Variants in ESRRG observed in about 807,000 individuals in gnomAD.
ESRRG encodes the protein estrogen-related receptor gamma.
Under a neutral mutation model 44.0 loss-of-function variants are expected in ESRRG, and 13 were observed. That is an observed-to-expected ratio of 0.30 (90% CI 0.19 to 0.47). The LOEUF (loss-of-function observed/expected upper bound fraction) is 0.47. Ranked by LOEUF, ESRRG falls within the 20% of genes least tolerant of loss-of-function variation. The pLI, the probability that ESRRG is intolerant of heterozygous loss-of-function variation, is 1.00. For synonymous variants in ESRRG, 215 were observed against 214.6 expected, an observed-to-expected ratio of 1.00 and a Z score of -0.02; for missense variants, 395 against 580.6, an observed-to-expected ratio of 0.68 and a Z score of 3.29.
intron 2 of ESRRG, among the ~76,000 whole-genome samples, chr1:216,904,453 G>T (rs904181066): frequency 2.6e-5 from 4 of 152,154 alleles, no homozygotes; most frequent in Non-Finnish European, 4.4e-5. Flanking sequence ...ATTAAACAAA[G>T]TCATTGAAAA....
Position 216,582,877 on chromosome 1 carries a change from G to A in ESRRG, c.590-14779C>T, listed in dbSNP as rs567978386. Among the ~76,000 whole-genome samples, 21 of 152,278 alleles carry A rather than the reference G, an allele frequency of 1.4e-4. No homozygotes were observed. The South Asian group carries it at 4.4e-3, about 32-fold the overall frequency. On this transcript the variant is annotated intron_variant, in intron 3 of 6. Transcript: ENST00000408911. ...TTTGGAACAGTCTAGGAGGAATTCGGTTTTAATAGTGCTTTCTTAGGGTTT... is the reference window on the plus strand; with the variant it reads ...TTTGGAACAGTCTAGGAGGAATTCGATTTTAATAGTGCTTTCTTAGGGTTT...
chr1:216,531,125 A>G (rs2049243112), intron 5 of ESRRG, among the ~76,000 whole-genome samples: 2 of 152,224 alleles, frequency 1.3e-5, no homozygotes, highest in Non-Finnish European at 2.9e-5. Flanking sequence ...TATTCATGAA[A>G]GAACGTAGAA....
chr1:217,025,606 G>T (rs1195828305), intron 1 of ESRRG, among the ~76,000 whole-genome samples: 2 of 152,154 alleles, frequency 1.3e-5, no homozygotes, highest in Admixed American at 1.3e-4. Flanking sequence ...ACCTGCCAAA[G>T]CTGTTTGCCA....
intron 5 of ESRRG, among the ~76,000 whole-genome samples, chr1:216,545,230 GT>G (rs5780892): frequency 0.019 from 2,630 of 139,500 alleles, 48 homozygotes; most frequent in African/African-American, 0.057. Flanking sequence ...TAATTTTTAT[GT>G]TTTTTTTTTT....
intron 2 of ESRRG, among the ~76,000 whole-genome samples, chr1:216,887,632 A>C (rs1226791815): frequency 4.6e-5 from 7 of 152,200 alleles, no homozygotes; most frequent in Admixed American, 1.3e-4. Flanking sequence ...TCTGTTTGTT[A>C]ATGTAACTGA....
At chr1:216,863,745 A>G (rs2096094635) in intron 2 of ESRRG, 1 of 152,180 alleles carries the variant, frequency 6.6e-6, no homozygotes, top group South Asian at 2.1e-4. Flanking sequence ...TTTTTGTCCT[A>G]CCTGCTCACT....
intron 2 of ESRRG, among the ~76,000 whole-genome samples, chr1:216,920,495 G>T (rs1300684090): frequency 3.3e-5 from 5 of 151,760 alleles, no homozygotes; most frequent in Non-Finnish European, 7.4e-5. Flanking sequence ...TTCATTATAA[G>T]AATTAGATGA....
rs761091969 is a variant in ESRRG, at chr1:216,507,136, C to T, written c.1180G>A (p.Val394Ile). Residue 394 changes from valine to isoleucine, a missense_variant, in exon 7 of 7, where the codon GTC becomes ATC. Val to Ile is a conservative substitution (Grantham distance 29, BLOSUM62 3). Transcript: ENST00000408911. ...DVEAVQKLQD[V>I]LHEALQDYEA... ...TAATCCTGCAGCGCTTCATGTAAGA[C>T]ATCCTGAAGCTTCTGAACGGCTTCA... is the stretch of plus-strand genomic sequence containing the variant. The T allele has an allele frequency of 1.5e-5, 25 of 1,613,204 alleles. No homozygotes were observed. The highest frequency in any genetic ancestry group is 2.0e-5 in the Non-Finnish European group (24 of 1,179,582).
intron 2 of ESRRG, among the ~76,000 whole-genome samples, chr1:216,834,436 C>T (rs953834189): frequency 1.3e-5 from 2 of 151,930 alleles, no homozygotes; most frequent in African/African-American, 4.8e-5. Flanking sequence ...AATAAAAAAT[C>T]AACATAACTC....
chr1:216,541,455 T>A (rs1205825559), intron 5 of ESRRG, among the ~76,000 whole-genome samples: 1 of 152,028 alleles, frequency 6.6e-6, no homozygotes, highest in African/African-American at 2.4e-5. Context: ...TCATTTCCTG[T>A]ATGTTGTTAC....
chr1:216,818,715 A>T (rs1194769572), intron 2 of ESRRG, among the ~76,000 whole-genome samples: 1 of 152,024 alleles, frequency 6.6e-6, no homozygotes, highest in African/African-American at 2.4e-5. Flanking sequence ...CCCATCACCC[A>T]GGTATTAAGC....
chr1:217,016,815 C>G lies in ESRRG; in HGVS notation c.-106+72692G>C, dbSNP rs547182679. ...CATTAAATTATTAATCTGGAGTAAG[C>G]AATGAGTATTTATGTAATTCACTTG... On this transcript the variant is annotated intron_variant, in intron 1 of 7. Transcript: ENST00000359162. 7.9e-3 allele frequency among the ~76,000 whole-genome samples: 1,204 copies of G among 152,204 alleles called. 16 individuals carry two copies. Among genetic ancestry groups the G allele is most frequent in the African/African-American group, 0.027 (1,105 of 41,500 alleles).
At chr1:217,057,072 C>T (rs886174018) in intron 1 of ESRRG, among the ~76,000 whole-genome samples, 1 of 152,122 alleles carries the variant, frequency 6.6e-6, no homozygotes, top group Non-Finnish European at 1.5e-5. Flanking sequence ...TGTGCAGCCA[C>T]TTGGCACCCT....
At position 217,051,204 on chromosome 1, in the gene ESRRG, C is replaced by CGGGGGCG. The variant is rs1553259181; in HGVS notation, c.-106+38302_-106+38303insCGCCCCC. The stretch of plus-strand genomic sequence containing the variant: ...GAGCAGAAGGAGTGGATAATGGGGG[C>CGGGGGCG]GGGGGGGGGGGGTGCCAGGGGAATT... On this transcript the variant is annotated intron_variant, in intron 1 of 7. Transcript: ENST00000359162. 4.3e-3 allele frequency among the ~76,000 whole-genome samples: 144 copies of CGGGGGCG among 33,580 alleles called. 4 individuals are homozygous for CGGGGGCG. The highest frequency in any genetic ancestry group is 0.019 in the East Asian group (17 of 888). 22.0% of individuals were successfully genotyped at this position (33,580 alleles called of 152,430 possible).
At chr1:216,682,701 T>C (rs577497373) in intron 1 of ESRRG, among the ~76,000 whole-genome samples, 1 of 144,018 alleles carries the variant, frequency 6.9e-6, no homozygotes, top group Non-Finnish European at 1.5e-5. Flanking sequence ...AAGCTCTTAA[T>C]ACTCTATAGT....
At chr1:217,022,569 A>G (rs966508581) in intron 1 of ESRRG, among the ~76,000 whole-genome samples, 1 of 152,038 alleles carries the variant, frequency 6.6e-6, no homozygotes, top group Non-Finnish European at 1.5e-5. Flanking sequence ...GTTTTTCCCA[A>G]TGGTCCTCAC....
At chr1:216,577,715 G>A (rs956424699) in intron 3 of ESRRG, among the ~76,000 whole-genome samples, 1 of 152,104 alleles carries the variant, frequency 6.6e-6, no homozygotes, top group African/African-American at 2.4e-5. Context: ...AATGAATATA[G>A]TGGAATATAG....
At chr1:217,102,610 C>T (rs775148533) in intron 1 of ESRRG, among the ~76,000 whole-genome samples, 3 of 152,200 alleles carry the variant, frequency 2.0e-5, no homozygotes, top group Non-Finnish European at 2.9e-5. Context: ...AATTACTTTA[C>T]ACTCAGACTT....
chr1:217,130,970 C>T (rs2092956815), intron 1 of ESRRG, among the ~76,000 whole-genome samples: 1 of 151,842 alleles, frequency 6.6e-6, no homozygotes. Flanking sequence ...TATATTGCCA[C>T]GAATTTAATT....
Sources: gnomAD v4.1 joint callset for allele counts (sites outside exome capture counted in the v4.1 genomes callset) on GRCh38, gnomAD v4.1.1 for gene constraint, MANE v1.5 for transcripts, NCBI Gene and HGNC (gene_info 2026-07-23, HGNC 2026-07-21) for gene names.